Variants in RXFP2 observed in about 807,000 individuals in gnomAD.
RXFP2 encodes relaxin family peptide receptor 2.
Under a neutral mutation model 88.6 loss-of-function variants are expected in RXFP2, and 68 were observed. That is an observed-to-expected ratio of 0.77 (90% CI 0.63 to 0.94). The LOEUF is 0.94. Among genes scored for constraint, RXFP2 ranks in the 40% least tolerant of loss-of-function variants. The pLI is 0.00. For synonymous variants in RXFP2, 329 were observed against 306.8 expected, an observed-to-expected ratio of 1.07 and a Z score of -0.76; for missense variants, 791 against 893.9, an observed-to-expected ratio of 0.88 and a Z score of 1.47.
rs1342937238 is a variant in RXFP2 at position 31,792,956 on chromosome 13, A to C, written c.1654A>C (p.Ile552Leu). ...TTGCATCTGGATGGCGGGATTTTTA[A>C]TAGCTGTAATTCCATTTTGGAATAA... ...LICIWMAGFL[I>L]AVIPFWNKDY... The change falls in exon 16 of 18, where the codon ATA becomes CTA. Residue 552 changes from isoleucine (I) to leucine (L), a missense_variant. Transcript: ENST00000298386. 1.9e-6 allele frequency: 3 copies of C among 1,614,170 alleles called. No individual in the cohort carries two copies. The highest frequency in any genetic ancestry group is 2.5e-6 in the Non-Finnish European group (3 of 1,180,038).
chr13:31,799,558 C>T (rs557097643), intron 17 of RXFP2, among the ~76,000 whole-genome samples: 4 of 152,216 alleles, frequency 2.6e-5, no homozygotes, highest in Admixed American at 1.3e-4. Flanking sequence ...TGTAGGGGGA[C>T]GCAGCCTAGT....
At chr13:31,778,032 A>G (rs1873077939) in intron 8 of RXFP2, among the ~76,000 whole-genome samples, 1 of 152,226 alleles carries the variant, frequency 6.6e-6, no homozygotes, top group African/African-American at 2.4e-5. Flanking sequence ...TTAATCCTGC[A>G]GCTTAACATG....
chr13:31,799,871 C>T (rs904745169), intron 17 of RXFP2, among the ~76,000 whole-genome samples: 7 of 152,102 alleles, frequency 4.6e-5, no homozygotes, highest in African/African-American at 1.4e-4. Flanking sequence ...AGGAGGCGTC[C>T]GCTCTGCTGT....
chr13:31,744,690 T>A (rs561503521), intron 1 of RXFP2, among the ~76,000 whole-genome samples: 1 of 149,160 alleles, frequency 6.7e-6, no homozygotes, highest in African/African-American at 2.5e-5. Context: ...TCCAGTTTAT[T>A]TTCTATTCAA....
At chr13:31,789,245 A>G (rs933087376) in intron 14 of RXFP2, 52 bp downstream of exon 14, 5 of 1,123,306 alleles carry the variant, frequency 4.5e-6, no homozygotes, top group Non-Finnish European at 5.4e-6. Flanking sequence ...GCTTCAAATT[A>G]TCTCCTGTAA....
intron 5 of RXFP2, among the ~76,000 whole-genome samples, chr13:31,774,071 G>C (rs1021555355): frequency 1.6e-4 from 25 of 152,202 alleles, no homozygotes; most frequent in African/African-American, 5.8e-4. Flanking sequence ...CCTATGACTT[G>C]AAATTGGCAT....
At position 31,775,343 on chromosome 13, in the gene RXFP2, A is replaced by T. The variant is rs1872898617; in HGVS notation, c.595A>T (p.Thr199Ser). ...ILYLNHNCIT[T>S]LRPGIFKDLH... ...ATATCTCAACCACAACTGCATCACAACCCTCAGACCTGGAATATTCAAAGA... is the reference window on the plus strand; with the variant it reads ...ATATCTCAACCACAACTGCATCACATCCCTCAGACCTGGAATATTCAAAGA... Residue 199 changes from threonine (T) to serine (S), a missense_variant, in exon 7 of 18, where the codon ACC (threonine) becomes TCC (serine). Coordinates refer to ENST00000298386, the MANE Select transcript of RXFP2 (RefSeq NM_130806.5). 2 of 1,613,632 alleles carry T rather than the reference A, an allele frequency of 1.2e-6. No homozygotes were observed. The highest frequency in any genetic ancestry group is 2.7e-5 in the African/African-American group (2 of 74,874).
intron 9 of RXFP2, among the ~76,000 whole-genome samples, chr13:31,780,591 A>G (rs906051749): frequency 3.3e-5 from 5 of 152,244 alleles, no homozygotes; most frequent in African/African-American, 1.2e-4. Context: ...AGAAAAGTTC[A>G]GAAGAAGAAA....
chr13:31,778,512 G>C lies in RXFP2; in HGVS notation c.714G>C (p.Leu238=). 6.3e-7 allele frequency: 1 copy of C among 1,596,652 alleles called. No homozygotes were observed. The highest frequency in any genetic ancestry group is 1.1e-5 in the South Asian group (1 of 90,718). Residue 238 remains leucine (L), a splice_region_variant and synonymous_variant, in exon 9 of 18, where the codon CTG becomes CTC. Transcript: ENST00000298386. ...LFTGLNSLFF[L]SMVNNYLEAL... is the part of the protein sequence containing the mutation. ...TAATTAACATTTTCTTTGTGTAAAG[G>C]TCTATGGTTAATAACTACTTAGAAG...
At position 31,766,073 on chromosome 13, in the gene RXFP2, G is replaced by T. The variant is rs370286134; in HGVS notation, c.497+46G>T. 5.0e-5 allele frequency: 47 copies of T among 939,098 alleles called. 1 individual carries two copies. The highest frequency in any genetic ancestry group is 8.1e-5 in the Non-Finnish European group (46 of 570,586). The allele number at this position is 939,098 out of a possible 1,614,324, so 58.2% of individuals were successfully genotyped here. On this transcript the variant is annotated intron_variant, in intron 5 of 17. Coordinates refer to ENST00000298386, the MANE Select transcript of RXFP2 (RefSeq NM_130806.5). ...TATTTATTTAAAAAAAATCCTCGTG[G>T]TGGTGTAAGATGTTTTTGATCTAAA...
intron 5 of RXFP2, among the ~76,000 whole-genome samples, chr13:31,767,281 C>T (rs181064840): frequency 3.2e-4 from 49 of 152,328 alleles, no homozygotes; most frequent in African/African-American, 1.2e-3. Context: ...ATTGTGGCCT[C>T]TGTAAACCCC....
At chr13:31,793,885 T>A (rs1470536513) in intron 16 of RXFP2, among the ~76,000 whole-genome samples, 1 of 152,204 alleles carries the variant, frequency 6.6e-6, no homozygotes, top group Non-Finnish European at 1.5e-5. Context: ...CTCTACCCAC[T>A]GCTGTTGCCT....
chr13:31,767,886 G>A (rs894009795), intron 5 of RXFP2, among the ~76,000 whole-genome samples: 3 of 152,118 alleles, frequency 2.0e-5, no homozygotes, highest in Non-Finnish European at 4.4e-5. Flanking sequence ...CTAATCTGGG[G>A]CAAGCTGACT....
intron 14 of RXFP2, among the ~76,000 whole-genome samples, chr13:31,790,798 C>A (rs935227781): frequency 6.6e-6 from 1 of 151,552 alleles, no homozygotes; most frequent in East Asian, 1.9e-4. Context: ...CAGACCTGAG[C>A]GGAGGGAGAA....
At chr13:31,743,387 G>GAGCAAGCATTATTTAAATCACA (rs1270056605) in intron 1 of RXFP2, among the ~76,000 whole-genome samples, 1 of 151,932 alleles carries the variant, frequency 6.6e-6, no homozygotes, top group Non-Finnish European at 1.5e-5. Flanking sequence ...AAGATTGCTT[G>GAGCAAGCATTATTTAAATCACA]AACCTGAGAG....
intron 16 of RXFP2, among the ~76,000 whole-genome samples, chr13:31,795,701 T>C (rs1295617746): frequency 6.6e-6 from 1 of 152,206 alleles, no homozygotes; most frequent in Non-Finnish European, 1.5e-5. Context: ...CAATCTTACA[T>C]ACAGTCTAGG....
intron 1 of RXFP2, among the ~76,000 whole-genome samples, chr13:31,747,921 T>C (rs1170819884): frequency 1.3e-5 from 2 of 152,146 alleles, no homozygotes; most frequent in Non-Finnish European, 2.9e-5. Context: ...GAACAGAACA[T>C]GCTACAATCT....
At chr13:31,776,059 TTC>T (rs746875472) in intron 7 of RXFP2, among the ~76,000 whole-genome samples, 1 of 59,564 alleles carries the variant, frequency 1.7e-5, no homozygotes, top group Non-Finnish European at 4.1e-5. Context: ...CCTTTCTTTC[TTC>T]TTCTTTCTTT....
Position 31,797,083 on chromosome 13 carries a change from G to A in RXFP2, c.1787-118G>A, listed in dbSNP as rs982851268. On this transcript the variant is annotated intron_variant, in intron 16 of 17. Coordinates refer to ENST00000298386, the MANE Select transcript of RXFP2 (RefSeq NM_130806.5). The stretch of plus-strand genomic sequence containing the variant: ...TGAATGTGTAAATATTCCGAAATCC[G>A]AAATCCAAAACATTTCTGGTTTCAA... 8.5e-5 allele frequency: 66 copies of A among 780,272 alleles called. No homozygotes were observed. In the Middle Eastern group the frequency reaches 1.5e-3, roughly 18 times the overall value. The allele number at this position is 780,272 out of a possible 1,614,324, so 48.3% of individuals were successfully genotyped here.
Sources: allele counts gnomAD v4.1 joint callset (sites outside exome capture counted in the v4.1 genomes callset), GRCh38; gene constraint gnomAD v4.1.1; transcripts MANE v1.5; gene names NCBI Gene and HGNC (gene_info 2026-07-23, HGNC 2026-07-21).